Variants in EP300 observed in about 807,000 individuals in gnomAD.
EP300 encodes EP300 lysine acetyltransferase.
A neutral mutation model predicts 264.0 loss-of-function variants in EP300; 31 were observed. The observed-to-expected ratio is 0.12, with a 90% confidence interval of 0.09 to 0.16. The LOEUF (loss-of-function observed/expected upper bound fraction) is 0.16, where lower values mean the gene tolerates loss of function less well. Ranked by LOEUF, EP300 falls within the 10% of genes least tolerant of loss-of-function variation. EP300 has a pLI of 1.00. For missense variants in EP300, 2,766 were observed against 3,052.9 expected (o/e 0.91, Z 2.21); for synonymous variants, 1,340 against 1,045.4 (o/e 1.28, Z -5.44).
At chr22:41,163,850 G>A (rs530005522) in intron 21 of EP300, among the ~76,000 whole-genome samples, 47 of 152,228 alleles carry the variant, frequency 3.1e-4, no homozygotes, top group African/African-American at 1.1e-3. Flanking sequence ...GGAGTTTAAG[G>A]TTGTAGTGAG....
chr22:41,132,088 CGA>C (rs1324787490), intron 6 of EP300, among the ~76,000 whole-genome samples: 6 of 150,758 alleles, frequency 4.0e-5, no homozygotes, highest in African/African-American at 1.2e-4. Context: ...CCTAGCTACA[CGA>C]GAGGCTGAGA....
chr22:41,143,505 C>T (rs972313768), intron 10 of EP300, among the ~76,000 whole-genome samples: 2 of 151,946 alleles, frequency 1.3e-5, no homozygotes, highest in East Asian at 1.9e-4. Context: ...GAAAGAACTA[C>T]GTAGAATGTT....
Position 41,178,469 on chromosome 22 carries a change from C to G in EP300, c.6758C>G (p.Ala2253Gly). ...GQLPQALGAE[A>G]GASLQAYQQR... ...CTTCCCCAGGCCTTGGGAGCAGAGG[C>G]AGGTGCCAGTCTACAGGCCTATCAG... Residue 2253 changes from alanine to glycine, a missense_variant, in exon 31 of 31, where the codon GCA becomes GGA. By Grantham distance (60) the Ala-to-Gly change is moderately conservative (BLOSUM62 0). Transcript: ENST00000263253. The G allele has an allele frequency of 6.2e-7, 1 of 1,614,102 alleles. No individual in the cohort carries two copies.
chr22:41,092,605 A>C lies in EP300; in HGVS notation c.-400A>C. On this transcript the variant is annotated 5_prime_UTR_variant, in exon 1 of 31. Coordinates refer to ENST00000263253, the MANE Select transcript of EP300 (RefSeq NM_001429.4). ...CCTTGTGGCGATGAGAAGGAGGAGG[A>C]CAGCGCCGAGGAGGAAGAGGTTGAT... 1 of 606,650 alleles carries C rather than the reference A, an allele frequency of 1.6e-6. No homozygotes were observed. The highest frequency in any genetic ancestry group is 3.0e-6 in the Non-Finnish European group (1 of 333,750). The allele number at this position is 606,650 out of a possible 1,614,324, so 37.6% of individuals were successfully genotyped here. A position where few individuals can be genotyped will look rare whatever the true frequency, so the allele number is the denominator to read the frequency against.
chr22:41,130,057 G>A, intron 5 of EP300, 54 bp downstream of exon 5: 2 of 1,339,208 alleles, frequency 1.5e-6, no homozygotes, highest in South Asian at 2.4e-5. Context: ...AGTCTCACCA[G>A]TGCCATTTAT....
At chr22:41,122,157 CTTTTTTTTTTTTTT>C (rs71328774) in intron 2 of EP300, among the ~76,000 whole-genome samples, 1 of 35,854 alleles carries the variant, frequency 2.8e-5, no homozygotes, top group African/African-American at 7.0e-5. Context: ...TCTTCTTCTT[CTTTTTTTTTTTTTT>C]TTTTTTTTTT....
In EP300 at chr22:41,093,039, C is replaced by T. The variant is rs758786824; in HGVS notation, c.35C>T (p.Ser12Leu). The part of the protein sequence containing the change: ...AENVVEPGPP[S>L]AKRPKLSSPA... Reference sequence around the variant, plus strand: ...AATGTGGTGGAACCGGGGCCGCCTTCAGCCAAGCGGCCTAAACTCTCATCT... The same window carrying T: ...AATGTGGTGGAACCGGGGCCGCCTTTAGCCAAGCGGCCTAAACTCTCATCT... The change falls in exon 1 of 31, where the codon TCA becomes TTA. Residue 12 changes from serine to leucine, a missense_variant. Coordinates refer to ENST00000263253, the MANE Select transcript of EP300 (RefSeq NM_001429.4). The T allele has an allele frequency of 1.1e-5, 18 of 1,614,062 alleles. No homozygotes were observed. The highest frequency in any genetic ancestry group is 2.2e-5 in the East Asian group (1 of 44,892).
rs192584743 is a variant in EP300 at position 41,171,407 on chromosome 22, G to T, written c.4452+836G>T. Among the ~76,000 whole-genome samples the T allele has an allele frequency of 1.3e-4, 20 of 152,240 alleles. 1 individual carries two copies. The South Asian group carries it at 4.2e-3, about 32-fold the overall frequency. On this transcript the variant is annotated intron_variant, in intron 27 of 30. Transcript: ENST00000263253. The stretch of plus-strand genomic sequence containing the variant: ...GCTAGGGTGCAGTGGCATGATACCC[G>T]CTCATTGCAACCTGTGCCTCCCAGG...
At chr22:41,104,913 C>G (rs895485340) in intron 1 of EP300, among the ~76,000 whole-genome samples, 1 of 151,926 alleles carries the variant, frequency 6.6e-6, no homozygotes, top group Non-Finnish European at 1.5e-5. Flanking sequence ...GCCTGTAATC[C>G]CAGCACTTTG....
chr22:41,135,565 CT>C (rs201001777), intron 6 of EP300, among the ~76,000 whole-genome samples: 1,763 of 142,692 alleles, frequency 0.012, 20 homozygotes, highest in African/African-American at 0.035. Flanking sequence ...GTCACATTTG[CT>C]TTTTTTTTTT....
intron 23 of EP300, 154 bp from the exon 24 acceptor site, chr22:41,168,295 C>T: frequency 1.3e-6 from 1 of 775,646 alleles, no homozygotes; most frequent in South Asian, 1.5e-5. Flanking sequence ...ACATGTAAAT[C>T]TGCAAAGTAG....
intron 29 of EP300, 134 bp from the exon 30 acceptor site, chr22:41,176,113 A>C (rs1313818120): frequency 1.0e-6 from 1 of 997,906 alleles, no homozygotes; most frequent in Non-Finnish European, 1.5e-6. Flanking sequence ...TCAGCTATTC[A>C]GGAGGCCATG....
rs2145512222 is a variant in EP300, at chr22:41,176,272, C to T, written c.4805C>T (p.Ala1602Val). 6.2e-7 allele frequency: 1 copy of T among 1,614,210 alleles called. No homozygotes were observed. Residue 1602 changes from alanine (A) to valine (V), a missense_variant, in exon 30 of 31, where the codon GCT becomes GTT. Physicochemically the swap from Ala to Val is moderately conservative, Grantham distance 64 (BLOSUM62 0). Transcript: ENST00000263253. Reference protein sequence around the residue: ...KEVFFVIRLIAGPAANSLPPI... With the variant: ...KEVFFVIRLIVGPAANSLPPI... ...GTCTTCTTTGTGATCCGCCTCATTG[C>T]TGGCCCTGCTGCCAACTCCCTGCCT...
Position 41,131,622 on chromosome 22 carries a change from T to C in EP300, c.1517T>C (p.Met506Thr). ...PGQSPQGMRP[M>T]SNMSASPMGV... ...CAGTCTCCCCAAGGCATGCGGCCCA[T>C]GAGCAACATGAGTAAGTTTGTGTCA... The change falls in exon 6 of 31, where the codon ATG becomes ACG. Residue 506 changes from methionine (M) to threonine (T), a missense_variant. Met to Thr is a moderately conservative substitution (Grantham distance 81). Coordinates refer to ENST00000263253, the MANE Select transcript of EP300 (RefSeq NM_001429.4). 1 of 1,614,150 alleles carries C rather than the reference T, an allele frequency of 6.2e-7. No individual in the cohort carries two copies. The highest frequency in any genetic ancestry group is 8.5e-7 in the Non-Finnish European group (1 of 1,180,028).
At chr22:41,109,278 A>C (rs575646169) in intron 1 of EP300, among the ~76,000 whole-genome samples, 6 of 152,046 alleles carry the variant, frequency 3.9e-5, no homozygotes, top group South Asian at 2.1e-4. Context: ...ACAAAAAAAA[A>C]CGGAAAACAT....
At chr22:41,142,453 A>C (rs1198313174) in intron 10 of EP300, among the ~76,000 whole-genome samples, 1 of 152,226 alleles carries the variant, frequency 6.6e-6, no homozygotes, top group Non-Finnish European at 1.5e-5. Context: ...GAAATAGTAT[A>C]CATGGAGGCT....
At chr22:41,160,486 A>G in intron 19 of EP300, 156 bp from the exon 20 acceptor site, 2 of 669,972 alleles carry the variant, frequency 3.0e-6, no homozygotes, top group Admixed American at 2.4e-5. Flanking sequence ...TGGGGCCCAT[A>G]TATCTGCATC....
At chr22:41,176,606 A>G (rs2145514384) in intron 30 of EP300, 78 bp downstream of exon 30, 2 of 1,608,570 alleles carry the variant, frequency 1.2e-6, no homozygotes, top group South Asian at 2.2e-5. Flanking sequence ...CGTATTTTAT[A>G]GAGGCCTGTG....
At chr22:41,172,268 C>T (rs1327367568) in intron 27 of EP300, among the ~76,000 whole-genome samples, 1 of 152,086 alleles carries the variant, frequency 6.6e-6, no homozygotes, top group African/African-American at 2.4e-5. Context: ...CAGATAAGCT[C>T]CCTGTTTTTG....
Sources: allele counts gnomAD v4.1 joint callset (sites outside exome capture counted in the v4.1 genomes callset), GRCh38; gene constraint gnomAD v4.1.1; transcripts MANE v1.5; gene names NCBI Gene and HGNC (gene_info 2026-07-23, HGNC 2026-07-21).